Variants in OTOG observed in about 807,000 individuals in gnomAD.
OTOG encodes otogelin.
OTOG carries 296 observed loss-of-function variants against 313.8 expected under a neutral mutation model. The ratio of observed to expected loss-of-function variants is 0.94; its 90% CI spans 0.86 to 1.04. OTOG has a LOEUF of 1.04. Among genes scored for constraint, OTOG ranks in the 50% least tolerant of loss-of-function variants. The probability of loss-of-function intolerance (pLI) is 0.00; values close to 1 mark genes in which losing one functional copy is unlikely to be tolerated. For synonymous variants in OTOG, 1,533 were observed against 1,554.9 expected, an observed-to-expected ratio of 0.99 and a Z score of 0.33; for missense variants, 3,948 against 3,840.1, an observed-to-expected ratio of 1.03 and a Z score of -0.74.
chr11:17,625,990 T>C (rs555093928), intron 39 of OTOG, among the ~76,000 whole-genome samples: 12 of 152,314 alleles, frequency 7.9e-5, no homozygotes, highest in South Asian at 6.2e-4. Context: ...TGGTGAGAGA[T>C]AGGGGTCTAG....
intron 47 of OTOG, among the ~76,000 whole-genome samples, chr11:17,635,941 C>T (rs1202913893): frequency 6.6e-6 from 1 of 152,156 alleles, no homozygotes; most frequent in Non-Finnish European, 1.5e-5. Context: ...CATGGAGGCC[C>T]CCAAGGGCCA....
intron 22 of OTOG, among the ~76,000 whole-genome samples, chr11:17,577,537 A>C (rs889988333): frequency 3.3e-5 from 5 of 152,074 alleles, no homozygotes; most frequent in Admixed American, 3.3e-4. Flanking sequence ...CCTGGGTTCA[A>C]ATCTTCCCTG....
chr11:17,635,753 G>T, intron 47 of OTOG, 42 bp downstream of exon 47: 1 of 1,494,728 alleles, frequency 6.7e-7, no homozygotes. Context: ...GGCAGGAAGG[G>T]GCCCTTCACA....
rs553286919 is a variant in OTOG at position 17,553,484 on chromosome 11, C to G, written c.505C>G (p.Arg169Gly). 2 of 1,452,072 alleles carry G rather than the reference C, an allele frequency of 1.4e-6. No homozygotes were observed. Among genetic ancestry groups the G allele is most frequent in the African/African-American group, 1.4e-5 (1 of 69,936 alleles). The allele number at this position is 1,452,072 out of a possible 1,614,324, so 89.9% of individuals were successfully genotyped here. Residue 169 changes from arginine (R) to glycine (G), a missense_variant, in exon 6 of 56, where the codon CGC becomes GGC. Transcript: ENST00000399397. The part of the protein sequence containing the change: ...SGKGSYTLVG[R>G]HEPEGQSFSI... ...AAAGGGCAGCTACACCCTGGTGGGT[C>G]GCCATGAGCCCGAGGGACAGAGCTT...
intron 39 of OTOG, among the ~76,000 whole-genome samples, chr11:17,617,737 C>T (rs1853758492): frequency 6.6e-6 from 1 of 152,138 alleles, no homozygotes; most frequent in South Asian, 2.1e-4. Context: ...AACTTACTGT[C>T]CTTCTCAAAG....
At chr11:17,608,665 C>G (rs927291129) in intron 34 of OTOG, among the ~76,000 whole-genome samples, 27 of 152,128 alleles carry the variant, frequency 1.8e-4, no homozygotes, top group Non-Finnish European at 2.2e-4. Context: ...TTGTACACAG[C>G]TGCATGTATG....
In OTOG at chr11:17,548,040, T is replaced by C; in HGVS notation, c.155+53T>C. ...CACCCACAGCTCCCATCCGTATTTC[T>C]GGCATCAGCGACCCCAGGGCTTTAG... On this transcript the variant is annotated intron_variant, in intron 2 of 55. Coordinates refer to ENST00000399397, the MANE Select transcript of OTOG (RefSeq NM_001292063.2). 1.4e-5 allele frequency: 17 copies of C among 1,181,254 alleles called. 1 individual carries two copies. Among genetic ancestry groups the C allele is most frequent in the Non-Finnish European group, 1.9e-5 (17 of 874,024 alleles). 73.2% of individuals were successfully genotyped at this position (1,181,254 alleles called of 1,614,324 possible).
rs1012883526 is a variant in OTOG, at chr11:17,643,390, C to T, written c.8416-71C>T. ...CAAGACTCCTGTACTCTGCCTGTTTCTGGGATCTTGGCTCCCGGCCTGGAC... is the reference window on the plus strand; with the variant it reads ...CAAGACTCCTGTACTCTGCCTGTTTTTGGGATCTTGGCTCCCGGCCTGGAC... On this transcript the variant is annotated intron_variant, in intron 53 of 55. Coordinates refer to ENST00000399397, the MANE Select transcript of OTOG (RefSeq NM_001292063.2). 4.0e-5 allele frequency: 45 copies of T among 1,111,434 alleles called. No homozygotes were observed. In the Middle Eastern group the frequency reaches 1.1e-3, roughly 26 times the overall value. 68.8% of individuals were successfully genotyped at this position (1,111,434 alleles called of 1,614,324 possible).
intron 20 of OTOG, among the ~76,000 whole-genome samples, chr11:17,576,019 A>T (rs1404751295): frequency 6.6e-6 from 1 of 152,224 alleles, no homozygotes; most frequent in Middle Eastern, 3.2e-3. Context: ...AGACAGCATA[A>T]GAATCCCTAC....
intron 39 of OTOG, 41 bp from the exon 40 acceptor site, chr11:17,629,092 A>G: frequency 6.6e-7 from 1 of 1,514,140 alleles, no homozygotes; most frequent in African/African-American, 1.4e-5. Flanking sequence ...GGATGAATGA[A>G]TGGATGGACA....
At chr11:17,612,044 TAGA>T in intron 36 of OTOG, 115 bp from the exon 37 acceptor site, 1 of 1,269,162 alleles carries the variant, frequency 7.9e-7, no homozygotes, top group Non-Finnish European at 1.1e-6. Flanking sequence ...CCTCTTTCCC[TAGA>T]AGGTCCCCTG....
At chr11:17,570,602 G>A (rs2134023201) in intron 17 of OTOG, 1 of 476,888 alleles carries the variant, frequency 2.1e-6, no homozygotes, top group Middle Eastern at 5.4e-4. Flanking sequence ...TCAGGAGCTT[G>A]TTAAAACACT....
chr11:17,601,478 C>T (rs1041558061), intron 31 of OTOG, among the ~76,000 whole-genome samples: 3 of 51,978 alleles, frequency 5.8e-5, no homozygotes, highest in East Asian at 4.3e-4. Flanking sequence ...GGAGCCAGGG[C>T]GTGGGGGGAG....
chr11:17,612,237 T>C lies in OTOG; in HGVS notation c.6199T>C (p.Cys2067Arg), dbSNP rs1415287823. 2.6e-6 allele frequency: 4 copies of C among 1,548,480 alleles called. No homozygotes were observed. The highest frequency in any genetic ancestry group is 2.7e-5 in the African/African-American group (2 of 73,038). The change falls in exon 37 of 56, where the codon TGT (cysteine) becomes CGT (arginine). Residue 2067 changes from cysteine (C) to arginine (R), a missense_variant. By Grantham distance (180) the Cys-to-Arg change is radical (BLOSUM62 -3). Transcript: ENST00000399397. Reference sequence around the variant, plus strand: ...GATTCGCGTGAATCAGTCCCAGCACTGTCCCCAGGGTGCTGCTCCCCCTCG... The same window carrying C: ...GATTCGCGTGAATCAGTCCCAGCACCGTCCCCAGGGTGCTGCTCCCCCTCG... ...QLIRVNQSQH[C>R]PQGAAPPRCG...
chr11:17,616,916 C>A (rs2134104887), intron 39 of OTOG, among the ~76,000 whole-genome samples: 2 of 152,320 alleles, frequency 1.3e-5, no homozygotes, highest in East Asian at 1.9e-4. Flanking sequence ...AGGTTGAGAG[C>A]AATCATCCTT....
rs370219387 is a variant in OTOG, at chr11:17,570,302, C to G, written c.1867C>G (p.Arg623Gly). 1.3e-6 allele frequency: 2 copies of G among 1,550,744 alleles called. No individual in the cohort carries two copies. The highest frequency in any genetic ancestry group is 8.7e-7 in the Non-Finnish European group (1 of 1,147,024). ...VRVLYDREGL[R>G]LYLQVDQRWV... ...GGTGCTCTACGACCGTGAAGGGCTC[C>G]GACTGTACCTGCAAGTGGACCAGCG... Residue 623 changes from arginine (R) to glycine (G), a missense_variant, in exon 17 of 56, where the codon CGA becomes GGA. Physicochemically the swap from Arg to Gly is moderately radical, Grantham distance 125. Transcript: ENST00000399397.
chr11:17,612,027 G>T (rs1352776060), intron 36 of OTOG, 135 bp from the exon 37 acceptor site: 3 of 1,075,652 alleles, frequency 2.8e-6, no homozygotes, highest in African/African-American at 3.1e-5. Context: ...TGGGTAGGGG[G>T]TGAGGGCCTC....
At position 17,570,353 on chromosome 11, in the gene OTOG, T is replaced by C; in HGVS notation, c.1918T>C (p.Cys640Arg). Residue 640 changes from cysteine to arginine, a missense_variant, in exon 17 of 56, where the codon TGC (cysteine) becomes CGC (arginine). Cys to Arg is a radical substitution (Grantham distance 180, BLOSUM62 -3). Transcript: ENST00000399397. ...QRWVEDTVGL[C>R]GTFNGNTQDD... ...ATGGGTGGAGGATACCGTGGGCCTC[T>C]GCGGCACCTTCAATGGCAACACGCA... is the stretch of plus-strand genomic sequence containing the variant. The C allele has an allele frequency of 6.4e-7, 1 of 1,550,596 alleles. No individual in the cohort carries two copies. The highest frequency in any genetic ancestry group is 8.7e-7 in the Non-Finnish European group (1 of 1,146,986).
chr11:17,597,003 C>G lies in OTOG; in HGVS notation c.3678C>G (p.Leu1226=). 1 of 1,550,108 alleles carries G rather than the reference C, an allele frequency of 6.5e-7. No individual in the cohort carries two copies. Residue 1226 remains leucine (L), a synonymous_variant, in exon 30 of 56, where the codon CTC becomes CTG. Coordinates refer to ENST00000399397, the MANE Select transcript of OTOG (RefSeq NM_001292063.2). ...GVAVDWRTPR[L]CPYDCDFFNK... ...CTGTTGACTGGCGAACCCCCCGCCT[C>G]TGCCGTGAGTGTCCCAGACAATCAC...
Sources: gnomAD v4.1 joint callset for allele counts (sites outside exome capture counted in the v4.1 genomes callset) on GRCh38, gnomAD v4.1.1 for gene constraint, MANE v1.5 for transcripts, NCBI Gene and HGNC (gene_info 2026-07-23, HGNC 2026-07-21) for gene names.